The following DDX31 variants were observed in gnomAD, a reference collection of about 807,000 sequenced individuals.
DDX31 encodes DEAD-box helicase 31.
In DDX31, 70 loss-of-function variants were observed where a neutral mutation model predicts 91.3. That is an observed-to-expected ratio of 0.77 (90% confidence interval 0.63 to 0.94). The LOEUF is 0.94. Ranked by LOEUF, DDX31 falls within the 40% of genes least tolerant of loss-of-function variation. The pLI is 0.00. For synonymous variants in DDX31, 362 were observed against 350.6 expected (o/e 1.03, Z -0.36); for missense variants, 902 against 925.0 (o/e 0.98, Z 0.32).
chr9:132,624,499 G>A (rs1460659225), intron 17 of DDX31, among the ~76,000 whole-genome samples: 1 of 152,152 alleles, frequency 6.6e-6, no homozygotes, highest in Non-Finnish European at 1.5e-5. Context: ...TCTTGGTTTA[G>A]TTAATACTAA....
At position 132,630,342 on chromosome 9, in the gene DDX31, C is replaced by A; in HGVS notation, c.1553G>T (p.Gly518Val). The stretch of plus-strand genomic sequence containing the variant: ...AATGAGCAGGCTGCTCCCATGGCAG[C>A]CAATCCGGGCGGTTCTTCCAATCCG... ...IHRIGRTARI[G>V]CHGSSLLILA... The change falls in exon 16 of 20, where the codon GGC becomes GTC. Residue 518 changes from glycine to valine, a missense_variant. Physicochemically the swap from Gly to Val is moderately radical, Grantham distance 109. Transcript: ENST00000372159. The A allele has an allele frequency of 2.5e-6, 4 of 1,603,886 alleles. No individual in the cohort carries two copies. Among genetic ancestry groups the A allele is most frequent in the Non-Finnish European group, 3.4e-6 (4 of 1,171,746 alleles).
chr9:132,652,561 C>A, intron 6 of DDX31, 69 bp from the exon 7 acceptor site: 1 of 1,586,478 alleles, frequency 6.3e-7, no homozygotes. Flanking sequence ...GGACAGGACA[C>A]AGGGGTGGCC....
chr9:132,644,927 C>T (rs922679850), intron 13 of DDX31, among the ~76,000 whole-genome samples: 1 of 152,136 alleles, frequency 6.6e-6, no homozygotes, highest in African/African-American at 2.4e-5. Context: ...TGAACAAGTT[C>T]GCTTTTCTGG....
intron 1 of DDX31, among the ~76,000 whole-genome samples, chr9:132,665,705 T>C (rs776883086): frequency 6.6e-5 from 10 of 152,212 alleles, no homozygotes; most frequent in South Asian, 2.1e-4. Flanking sequence ...CTAGGGCCCA[T>C]CAAGACCTGA....
At chr9:132,657,795 G>A (rs567792293) in intron 6 of DDX31, among the ~76,000 whole-genome samples, 1 of 152,250 alleles carries the variant, frequency 6.6e-6, no homozygotes, top group South Asian at 2.1e-4. Flanking sequence ...CTCTGCCCAC[G>A]GATCACAGCA....
Position 132,594,929 on chromosome 9 carries a change from T to C in DDX31, c.2178A>G (p.Thr726=). The C allele has an allele frequency of 6.2e-7, 1 of 1,614,216 alleles. No homozygotes were observed. Among genetic ancestry groups the C allele is most frequent in the East Asian group, 2.2e-5 (1 of 44,892 alleles). ...CTTTTTGGGTTTTTCTCCATTTTAA[T>C]GTTTTCCCACGGCCAAAGCAGGGTG... is the stretch of plus-strand genomic sequence containing the variant. The part of the protein sequence containing the change: ...QPTPCFGRGK[T]LKWRKTQKGV... Residue 726 remains threonine (T), a synonymous_variant, in exon 20 of 20, where the codon ACA becomes ACG. Coordinates refer to ENST00000372159, the MANE Select transcript of DDX31 (RefSeq NM_022779.9).
At chr9:132,600,418 A>C (rs1180243792) in intron 19 of DDX31, among the ~76,000 whole-genome samples, 1 of 152,148 alleles carries the variant, frequency 6.6e-6, no homozygotes, top group Non-Finnish European at 1.5e-5. Context: ...GGTTCTGTGG[A>C]CACAGAGGCT....
At chr9:132,636,648 C>G (rs993182762) in intron 14 of DDX31, among the ~76,000 whole-genome samples, 5 of 152,192 alleles carry the variant, frequency 3.3e-5, no homozygotes, top group Admixed American at 3.3e-4. Flanking sequence ...TGACCTAGCT[C>G]TGGACAACAG....
At chr9:132,659,503 C>G (rs761480868) in intron 5 of DDX31, among the ~76,000 whole-genome samples, 3 of 152,164 alleles carry the variant, frequency 2.0e-5, no homozygotes, top group Non-Finnish European at 4.4e-5. Flanking sequence ...CTGACTACTT[C>G]CTAATCATTT....
At position 132,623,098 on chromosome 9, in the gene DDX31, C is replaced by T. The variant is rs527978669; in HGVS notation, c.1713+2566G>A. Reference sequence around the variant, plus strand: ...TAAGCTGAGGTCACGCCAGTGCATTCCAGCCTGGGAGACACAGCAAGACTC... The same window carrying T: ...TAAGCTGAGGTCACGCCAGTGCATTTCAGCCTGGGAGACACAGCAAGACTC... On this transcript the variant is annotated intron_variant, in intron 17 of 19. Transcript: ENST00000372159. Among the ~76,000 whole-genome samples the T allele has an allele frequency of 3.2e-3, 483 of 151,390 alleles. 2 individuals are homozygous for T. The highest frequency in any genetic ancestry group is 0.011 in the African/African-American group (460 of 41,242).
intron 4 of DDX31, among the ~76,000 whole-genome samples, chr9:132,660,296 C>T (rs960083975): frequency 6.7e-5 from 10 of 150,008 alleles, no homozygotes; most frequent in East Asian, 2.0e-4. Context: ...GATCGCACCA[C>T]TGCACTCCAG....
intron 18 of DDX31, 22 bp downstream of exon 18, chr9:132,618,308 A>C: frequency 1.3e-6 from 2 of 1,599,592 alleles, no homozygotes; most frequent in Non-Finnish European, 1.7e-6. Context: ...CCACTGCGCA[A>C]GCACCTAGGA....
intron 14 of DDX31, among the ~76,000 whole-genome samples, chr9:132,640,417 T>G (rs1310228405): frequency 6.6e-6 from 1 of 151,364 alleles, no homozygotes; most frequent in Non-Finnish European, 1.5e-5. Flanking sequence ...CAAGGGGGAG[T>G]AGGGTGAAAA....
At position 132,594,025 on chromosome 9, in the gene DDX31, G is replaced by A. The variant is rs1830316258; in HGVS notation, c.*841C>T. The A allele has an allele frequency of 6.7e-6, 1 of 148,504 alleles. No individual in the cohort carries two copies. The highest frequency in any genetic ancestry group is 2.2e-4 in the South Asian group (1 of 4,540). 9.2% of individuals were successfully genotyped at this position (148,504 alleles called of 1,614,324 possible). ...GAAAACACAATGCAGGGGCAGGGCG[G>A]GGTGGGTCGGGGGCGGGGGGCGGGC... On this transcript the variant is annotated 3_prime_UTR_variant, in exon 20 of 20. Transcript: ENST00000372159.
rs1438310571 is a variant in DDX31, at chr9:132,632,287, CACACACACACAG to C, written c.1441-208_1441-197del. Among the ~76,000 whole-genome samples, 146 of 132,038 alleles carry C rather than the reference CACACACACACAG, an allele frequency of 1.1e-3. 3 individuals are homozygous for C. The highest frequency in any genetic ancestry group is 4.2e-3 in the African/African-American group (137 of 32,892). 86.6% of individuals were successfully genotyped at this position (132,038 alleles called of 152,430 possible). On this transcript the variant is annotated intron_variant, in intron 14 of 19. Coordinates refer to ENST00000372159, the MANE Select transcript of DDX31 (RefSeq NM_022779.9). ...ACACACACACACACACACACACACACACACACACACAGTCCTGCATACAACTTCAGGGGGCTC... is the reference window on the plus strand; with the variant it reads ...ACACACACACACACACACACACACACTCCTGCATACAACTTCAGGGGGCTC...
chr9:132,601,637 A>G (rs1041034689), intron 19 of DDX31, among the ~76,000 whole-genome samples: 3 of 152,318 alleles, frequency 2.0e-5, no homozygotes, highest in Non-Finnish European at 4.4e-5. Context: ...AAGTCTGGAT[A>G]CTTTCACGAA....
At chr9:132,630,184 C>A in intron 16 of DDX31, 80 bp downstream of exon 16, 1 of 1,448,780 alleles carries the variant, frequency 6.9e-7, no homozygotes, top group South Asian at 1.6e-5. Context: ...CGTCAGCTTA[C>A]AAGGCCCATT....
intron 10 of DDX31, 35 bp from the exon 11 acceptor site, chr9:132,648,330 A>G: frequency 6.2e-7 from 1 of 1,605,498 alleles, no homozygotes; most frequent in Non-Finnish European, 8.5e-7. Flanking sequence ...ATTTTCAACT[A>G]TATGAAGAGC....
chr9:132,650,321 A>T, intron 8 of DDX31, 23 bp from the exon 9 acceptor site: 1 of 1,611,234 alleles, frequency 6.2e-7, no homozygotes. Flanking sequence ...AGCAGACCAC[A>T]GTCAGTGCAA....
Sources: gnomAD v4.1 joint callset for allele counts (sites outside exome capture counted in the v4.1 genomes callset) on GRCh38, gnomAD v4.1.1 for gene constraint, MANE v1.5 for transcripts, NCBI Gene and HGNC (gene_info 2026-07-23, HGNC 2026-07-21) for gene names.